The following DCTPP1 variants were observed in gnomAD, a reference collection of about 807,000 sequenced individuals.
DCTPP1 encodes dCTP pyrophosphatase 1, also known as XTP3-transactivated gene A protein.
A neutral mutation model predicts 8.8 loss-of-function variants in DCTPP1; 8 were observed. The ratio of observed to expected loss-of-function variants is 0.91; its 90% CI spans 0.54 to 1.64. DCTPP1 has a LOEUF of 1.64. DCTPP1 is among the 40% of genes most tolerant of loss of function. The pLI, the probability that DCTPP1 is intolerant of heterozygous loss-of-function variation, is 0.00. For synonymous variants in DCTPP1, 85 were observed against 92.1 expected, an observed-to-expected ratio of 0.92 and a Z score of 0.44; for missense variants, 231 against 230.4, an observed-to-expected ratio of 1.00 and a Z score of -0.02.
intron 2 of DCTPP1, among the ~76,000 whole-genome samples, chr16:30,426,210 C>G (rs2050191415): frequency 6.6e-6 from 1 of 152,216 alleles, no homozygotes; most frequent in South Asian, 2.1e-4. Flanking sequence ...GAGTCTTGCT[C>G]TGTCGCCCAG....
intron 2 of DCTPP1, among the ~76,000 whole-genome samples, chr16:30,426,911 G>T (rs568776959): frequency 6.6e-6 from 1 of 151,802 alleles, no homozygotes; most frequent in Non-Finnish European, 1.5e-5. Context: ...ATGTTGGCCA[G>T]GCTGGTCTTG....
chr16:30,428,999 T>A, intron 2 of DCTPP1, 58 bp downstream of exon 2: 1 of 1,504,060 alleles, frequency 6.6e-7, no homozygotes, highest in South Asian at 1.3e-5. Flanking sequence ...ACCAAATAAA[T>A]GCTCCCCTCC....
At chr16:30,429,474 A>G (rs2151129711) in intron 1 of DCTPP1, 1 of 407,556 alleles carries the variant, frequency 2.5e-6, no homozygotes, top group Non-Finnish European at 4.4e-6. Flanking sequence ...TCAAAATGCA[A>G]TTTCTCTTAC....
At chr16:30,426,476 GTT>G (rs35240032) in intron 2 of DCTPP1, among the ~76,000 whole-genome samples, 1 of 138,676 alleles carries the variant, frequency 7.2e-6, no homozygotes, top group Non-Finnish European at 1.5e-5. Flanking sequence ...CACCTGGCCG[GTT>G]TTTTTTTTTT....
Position 30,423,983 on chromosome 16 carries a change from T to C in DCTPP1, c.*250A>G. On this transcript the variant is annotated 3_prime_UTR_variant, in exon 3 of 3. Transcript: ENST00000319285. Reference sequence around the variant, plus strand: ...CTCAGAGGCACCCCTGGTACCCCCGTCATCACCTGCTGAGACAGAGAGCCT... The same window carrying C: ...CTCAGAGGCACCCCTGGTACCCCCGCCATCACCTGCTGAGACAGAGAGCCT... The C allele has an allele frequency of 2.0e-6, 1 of 512,596 alleles. No individual in the cohort carries two copies. The highest frequency in any genetic ancestry group is 3.4e-6 in the Non-Finnish European group (1 of 290,692). The allele number at this position is 512,596 out of a possible 1,614,324, so 31.8% of individuals were successfully genotyped here.
chr16:30,428,406 T>G (rs912327780), intron 2 of DCTPP1, among the ~76,000 whole-genome samples: 1 of 152,190 alleles, frequency 6.6e-6, no homozygotes, highest in Non-Finnish European at 1.5e-5. Context: ...GCAAATGTAG[T>G]TCCCATGTCT....
Position 30,424,118 on chromosome 16 carries a change from A to G in DCTPP1, c.*115T>C. On this transcript the variant is annotated 3_prime_UTR_variant, in exon 3 of 3. Coordinates refer to ENST00000319285, the MANE Select transcript of DCTPP1 (RefSeq NM_024096.2). ...GGCTGCTGGGCCTCAGACCTCAAGA[A>G]GTGGAGGCCTCAGGCCCATGATCTA... 1 of 1,277,144 alleles carries G rather than the reference A, an allele frequency of 7.8e-7. No homozygotes were observed. The highest frequency in any genetic ancestry group is 1.1e-6 in the Non-Finnish European group (1 of 947,140). 79.1% of individuals were successfully genotyped at this position (1,277,144 alleles called of 1,614,324 possible). A position where few individuals can be genotyped will look rare whatever the true frequency, so the allele number is the denominator to read the frequency against.
Position 30,429,865 on chromosome 16 carries a change from G to A in DCTPP1, c.101+15C>T. The A allele has an allele frequency of 6.3e-7, 1 of 1,594,688 alleles. No homozygotes were observed. ...GGGCGACTTCCCCACCCCGAGCTGGGCCAGGCCTGCTTACATGTCCTCGAG... is the reference window on the plus strand; with the variant it reads ...GGGCGACTTCCCCACCCCGAGCTGGACCAGGCCTGCTTACATGTCCTCGAG... On this transcript the variant is annotated intron_variant, in intron 1 of 2. Transcript: ENST00000319285.
Position 30,424,504 on chromosome 16 carries a change from G to A in DCTPP1, c.242C>T (p.Pro81Leu), listed in dbSNP as rs746395697. 3 of 1,613,928 alleles carry A rather than the reference G, an allele frequency of 1.9e-6. No individual in the cohort carries two copies. Among genetic ancestry groups the A allele is most frequent in the Non-Finnish European group, 2.5e-6 (3 of 1,180,034 alleles). Reference protein sequence around the residue: ...FQWKTDGEPGPQGWSPRERAA... With the variant: ...FQWKTDGEPGLQGWSPRERAA... ...CCGTTCCCTGGGGGACCAGCCTTGGGGGCCAGGTTCCCCATCGGTTTTCCA... is the reference window on the plus strand; with the variant it reads ...CCGTTCCCTGGGGGACCAGCCTTGGAGGCCAGGTTCCCCATCGGTTTTCCA... The change falls in exon 3 of 3, where the codon CCC (proline) becomes CTC (leucine). Residue 81 changes from proline (P) to leucine (L), a missense_variant. By Grantham distance (98) the Pro-to-Leu change is moderately conservative (BLOSUM62 -3). Coordinates refer to ENST00000319285, the MANE Select transcript of DCTPP1 (RefSeq NM_024096.2).
intron 1 of DCTPP1, 198 bp downstream of exon 1, chr16:30,429,682 C>T (rs893462105): frequency 1.8e-6 from 1 of 543,186 alleles, no homozygotes; most frequent in Admixed American, 4.0e-5. Flanking sequence ...GGAGGCACCA[C>T]CCAATTTCCC....
At chr16:30,427,134 T>C (rs1274214539) in intron 2 of DCTPP1, among the ~76,000 whole-genome samples, 1 of 151,546 alleles carries the variant, frequency 6.6e-6, no homozygotes, top group East Asian at 1.9e-4. Flanking sequence ...CTCAGCCTCC[T>C]GCGTAGCTGG....
chr16:30,424,646 C>T (rs2050183170), intron 2 of DCTPP1, 113 bp from the exon 3 acceptor site: 1 of 1,380,642 alleles, frequency 7.2e-7, no homozygotes, highest in Non-Finnish European at 9.7e-7. Flanking sequence ...CAATCTGGGC[C>T]CTGGGAAGAG....
At position 30,427,070 on chromosome 16, in the gene DCTPP1, C is replaced by T. The variant is rs56271767; in HGVS notation, c.212+1987G>A. ...TGTCGCCCAGGCTAGAGTGCAGTGG[C>T]GCGATCTCGGCTCACTGCAAGCTCC... On this transcript the variant is annotated intron_variant, in intron 2 of 2. Transcript: ENST00000319285. Among the ~76,000 whole-genome samples, 448 of 147,380 alleles carry T rather than the reference C, an allele frequency of 3.0e-3. 2 individuals are homozygous for T. Among genetic ancestry groups the T allele is most frequent in the Non-Finnish European group, 4.5e-3 (299 of 67,072 alleles).
chr16:30,425,898 G>A (rs1016940074), intron 2 of DCTPP1, among the ~76,000 whole-genome samples: 1 of 152,170 alleles, frequency 6.6e-6, no homozygotes, highest in Non-Finnish European at 1.5e-5. Context: ...AACTGTGCTT[G>A]GAATACAATC....
intron 2 of DCTPP1, among the ~76,000 whole-genome samples, chr16:30,425,717 G>A (rs933350751): frequency 1.3e-5 from 2 of 151,968 alleles, no homozygotes; most frequent in Non-Finnish European, 1.5e-5. Context: ...GCTGAGGCAG[G>A]AGGGCAGAAG....
chr16:30,429,595 C>G, intron 1 of DCTPP1: 1 of 457,236 alleles, frequency 2.2e-6, no homozygotes. Flanking sequence ...GTACCCCCGG[C>G]GCCTGGAGAG....
intron 1 of DCTPP1, 176 bp from the exon 2 acceptor site, chr16:30,429,343 C>A (rs1174581419): frequency 5.1e-6 from 3 of 583,994 alleles, no homozygotes; most frequent in Non-Finnish European, 8.6e-6. Flanking sequence ...GTTCCCTCAT[C>A]TATAAAATGG....
chr16:30,429,222 G>T, intron 1 of DCTPP1, 55 bp from the exon 2 acceptor site: 1 of 1,589,798 alleles, frequency 6.3e-7, no homozygotes. Flanking sequence ...GGGTGATGCA[G>T]GGGCCAGAGG....
intron 2 of DCTPP1, 98 bp downstream of exon 2, chr16:30,428,959 A>G: frequency 7.9e-7 from 1 of 1,267,616 alleles, no homozygotes; most frequent in South Asian, 1.5e-5. Flanking sequence ...AGCAATCAGG[A>G]GGGGAAACTG....
Sources: gnomAD v4.1 joint callset for allele counts (sites outside exome capture counted in the v4.1 genomes callset) on GRCh38, gnomAD v4.1.1 for gene constraint, MANE v1.5 for transcripts, NCBI Gene and HGNC (gene_info 2026-07-23, HGNC 2026-07-21) for gene names.